The following ADAM8 variants were observed in gnomAD, a reference collection of about 807,000 sequenced individuals.
ADAM8 encodes ADAM metallopeptidase domain 8.
In ADAM8, 104 loss-of-function variants were observed where a neutral mutation model predicts 102.4. The ratio of observed to expected loss-of-function variants is 1.02; its 90% CI spans 0.87 to 1.20. The LOEUF is 1.20. ADAM8 is among the 50% of genes most tolerant of loss of function. The pLI is 0.00. For missense variants in ADAM8, 1,132 were observed against 1,159.0 expected (o/e 0.98, Z 0.34); for synonymous variants, 517 against 485.2 (o/e 1.07, Z -0.86).
At chr10:133,274,891 G>C (rs1325622177) in intron 2 of ADAM8, 1 of 435,954 alleles carries the variant, frequency 2.3e-6, no homozygotes, top group Non-Finnish European at 4.6e-6. Context: ...GACAGCCTTA[G>C]CTGTGCCACC....
chr10:133,270,478 C>A lies in ADAM8; in HGVS notation c.1667G>T (p.Gly556Val), dbSNP rs559140582. 52 of 1,602,658 alleles carry A rather than the reference C, an allele frequency of 3.2e-5. No homozygotes were observed. ...ADMCGVLQCK[G>V]GQQPLGRAIC... ...GGCACGCCCCAGGGGCTGCTGCCCA[C>A]CCTTGCACTGCAGAACGCCACACAT... The change falls in exon 16 of 23, where the codon GGT (glycine) becomes GTT (valine). Residue 556 changes from glycine (G) to valine (V), a missense_variant. Physicochemically the swap from Gly to Val is moderately radical, Grantham distance 109. Coordinates refer to ENST00000445355, the MANE Select transcript of ADAM8 (RefSeq NM_001109.5).
intron 21 of ADAM8, among the ~76,000 whole-genome samples, chr10:133,264,447 T>C (rs1011162882): frequency 6.6e-6 from 1 of 152,210 alleles, no homozygotes; most frequent in African/African-American, 2.4e-5. Context: ...TTCTTTGCAT[T>C]TCAGCTTTCC....
At position 133,273,286 on chromosome 10, in the gene ADAM8, G is replaced by A. The variant is rs769225852; in HGVS notation, c.541C>T (p.Arg181Trp). 32 of 1,598,064 alleles carry A rather than the reference G, an allele frequency of 2.0e-5. No individual in the cohort carries two copies. In the Admixed American group the frequency reaches 2.1e-4, roughly 10 times the overall value. The part of the protein sequence containing the change: ...DDSLGSLLGP[R>W]TAAVFRPRPG... Reference sequence around the variant, plus strand: ...CGAGGCCTGAAGACGGCTGCCGTCCGGGGTCCCAGGAGGCTGCCCAGGCTG... The same window carrying A: ...CGAGGCCTGAAGACGGCTGCCGTCCAGGGTCCCAGGAGGCTGCCCAGGCTG... The change falls in exon 6 of 23, where the codon CGG (arginine) becomes TGG (tryptophan). Residue 181 changes from arginine (R) to tryptophan (W), a missense_variant. Physicochemically the swap from Arg to Trp is moderately radical, Grantham distance 101. Coordinates refer to ENST00000445355, the MANE Select transcript of ADAM8 (RefSeq NM_001109.5).
At position 133,272,443 on chromosome 10, in the gene ADAM8, T is replaced by G. The variant is rs947751176; in HGVS notation, c.848A>C (p.His283Pro). ...TWQARQRTRR[H>P]LHDNVQLITG... ...GATGAGCTGTACGTTGTCATGCAGG[T>G]GCCGCCGTGTCCGTTGCCGTGCCTG... Residue 283 changes from histidine (H) to proline (P), a missense_variant, in exon 9 of 23, where the codon CAC becomes CCC. By Grantham distance (77) the His-to-Pro change is moderately conservative. Transcript: ENST00000445355. 6.2e-7 allele frequency: 1 copy of G among 1,602,414 alleles called. No individual in the cohort carries two copies. The highest frequency in any genetic ancestry group is 1.4e-5 in the African/African-American group (1 of 73,198).
At chr10:133,266,369 A>AT (rs1564919748) in intron 21 of ADAM8, among the ~76,000 whole-genome samples, 1 of 152,122 alleles carries the variant, frequency 6.6e-6, no homozygotes. Context: ...TCTCTAGGCT[A>AT]TTTTTGCAAC....
intron 15 of ADAM8, 108 bp downstream of exon 15, chr10:133,270,628 G>T (rs1417827721): frequency 6.5e-7 from 1 of 1,540,210 alleles, no homozygotes; most frequent in Non-Finnish European, 8.8e-7. Flanking sequence ...GGGTCCATGG[G>T]TCCAGAGCAG....
chr10:133,267,264 G>T, intron 21 of ADAM8, 88 bp downstream of exon 21: 1 of 1,415,288 alleles, frequency 7.1e-7, no homozygotes, highest in Non-Finnish European at 9.8e-7. Context: ...GGGGATCCCT[G>T]GCCCCCGGTG....
chr10:133,273,788 G>A lies in ADAM8; in HGVS notation c.357C>T (p.Ala119=), dbSNP rs1846638882. Residue 119 remains alanine, a synonymous_variant, in exon 5 of 23, where the codon GCC becomes GCT. Transcript: ENST00000445355. ...GHVEGYPDSA[A]SLSTCAGLRG... ...TGAGGCCGGCACAGGTGCTGAGGCT[G>A]GCGGCTGAGTCCGGGTACCCCTCTA... 1.3e-6 allele frequency: 2 copies of A among 1,548,860 alleles called. No individual in the cohort carries two copies. The highest frequency in any genetic ancestry group is 1.4e-5 in the African/African-American group (1 of 73,004).
chr10:133,269,351 A>C (rs2136080457), intron 18 of ADAM8, 94 bp downstream of exon 18: 1 of 1,343,922 alleles, frequency 7.4e-7, no homozygotes, highest in Admixed American at 3.0e-5. Context: ...CGTGAACACC[A>C]CCAGCTTCCC....
At chr10:133,263,922 A>C in intron 21 of ADAM8, 157 bp from the exon 22 acceptor site, 1 of 585,262 alleles carries the variant, frequency 1.7e-6, no homozygotes, top group Non-Finnish European at 2.8e-6. Flanking sequence ...TCGCTACAGA[A>C]AAGCCCTCCT....
chr10:133,262,947 A>C lies in ADAM8; in HGVS notation c.*209T>G. 2.9e-6 allele frequency: 2 copies of C among 681,904 alleles called. No homozygotes were observed. The highest frequency in any genetic ancestry group is 5.3e-6 in the Non-Finnish European group (2 of 376,566). 42.2% of individuals were successfully genotyped at this position (681,904 alleles called of 1,614,324 possible). On this transcript the variant is annotated 3_prime_UTR_variant, in exon 23 of 23. Transcript: ENST00000445355. ...CTGGTGCCTGCAGACAGCTGGGGCTACACGTGGCCAAGGCGGGGAGAAGGA... is the reference window on the plus strand; with the variant it reads ...CTGGTGCCTGCAGACAGCTGGGGCTCCACGTGGCCAAGGCGGGGAGAAGGA...
intron 21 of ADAM8, among the ~76,000 whole-genome samples, chr10:133,265,266 G>A (rs2995303): frequency 0.011 from 26 of 2,332 alleles, 3 homozygotes; most frequent in African/African-American, 0.02. Context: ...CGCCACGCCC[G>A]GCTCCTGCTG....
chr10:133,273,301 TGCCCAGGCTGTCGTCGCTGAC>T lies in ADAM8; in HGVS notation c.505_525del (p.Val169_Gly175del), dbSNP rs1487445274. The T allele has an allele frequency of 1.9e-6, 3 of 1,593,326 alleles. No homozygotes were observed. Among genetic ancestry groups the T allele is most frequent in the Non-Finnish European group, 1.7e-6 (2 of 1,171,480 alleles). The stretch of plus-strand genomic sequence containing the variant: ...GCTGCCGTCCGGGGTCCCAGGAGGC[TGCCCAGGCTGTCGTCGCTGAC>T]CCCGCAGGTCCCGGCCGTCTGCAGC... On this transcript the variant is annotated inframe_deletion, in exon 6 of 23. Coordinates refer to ENST00000445355, the MANE Select transcript of ADAM8 (RefSeq NM_001109.5).
chr10:133,275,488 T>G lies in ADAM8; in HGVS notation c.146A>C (p.His49Pro). Residue 49 changes from histidine to proline, a missense_variant, in exon 2 of 23, where the codon CAC (histidine) becomes CCC (proline). Transcript: ENST00000445355. Reference protein sequence around the residue: ...GPRVRRALPSHLGLHPERVSY... With the variant: ...GPRVRRALPSPLGLHPERVSY... ...CCCAGGCCAGCTTAGACTCACCAAG[T>G]GGGAGGGCAGAGCTCGGCGGACTCG... 1 of 1,533,598 alleles carries G rather than the reference T, an allele frequency of 6.5e-7. No homozygotes were observed. Among genetic ancestry groups the G allele is most frequent in the East Asian group, 2.5e-5 (1 of 39,594 alleles). 95.0% of individuals were successfully genotyped at this position (1,533,598 alleles called of 1,614,324 possible). A position where few individuals can be genotyped will look rare whatever the true frequency, so the allele number is the denominator to read the frequency against.
Position 133,267,412 on chromosome 10 carries a change from C to T in ADAM8, c.2259G>A (p.Pro753=), listed in dbSNP as rs150169740. Residue 753 remains proline, a synonymous_variant, in exon 21 of 23, where the codon CCG becomes CCA. Coordinates refer to ENST00000445355, the MANE Select transcript of ADAM8 (RefSeq NM_001109.5). ...VALKRPPPAP[P]VTVSSPPFPV... ...GGAAGGGTGGGCTGGACACAGTGAC[C>T]GGAGGCTGGAGGAGACAGGGCCGAG... 47 of 1,608,872 alleles carry T rather than the reference C, an allele frequency of 2.9e-5. No individual in the cohort carries two copies. Among genetic ancestry groups the T allele is most frequent in the African/African-American group, 2.4e-4 (18 of 74,910 alleles).
chr10:133,269,132 G>A, intron 18 of ADAM8: 10 of 985,444 alleles, frequency 1.0e-5, no homozygotes, highest in Non-Finnish European at 1.2e-5. Context: ...TGGCCGCCGG[G>A]GAGGAAATGC....
At position 133,270,483 on chromosome 10, in the gene ADAM8, G is replaced by A. The variant is rs935805294; in HGVS notation, c.1662C>T (p.Cys554=). The change falls in exon 16 of 23, where the codon TGC becomes TGT. Residue 554 remains cysteine, a synonymous_variant. Coordinates refer to ENST00000445355, the MANE Select transcript of ADAM8 (RefSeq NM_001109.5). ...GCCCCAGGGGCTGCTGCCCACCCTT[G>A]CACTGCAGAACGCCACACATGTCAG... is the stretch of plus-strand genomic sequence containing the variant. The part of the protein sequence containing the change: ...YRADMCGVLQ[C]KGGQQPLGRA... 11 of 1,602,088 alleles carry A rather than the reference G, an allele frequency of 6.9e-6. No homozygotes were observed. Among genetic ancestry groups the A allele is most frequent in the Non-Finnish European group, 9.4e-6 (11 of 1,171,424 alleles).
chr10:133,273,790 C>T lies in ADAM8; in HGVS notation c.355G>A (p.Ala119Thr), dbSNP rs1027697833. The T allele has an allele frequency of 7.7e-6, 12 of 1,548,756 alleles. No individual in the cohort carries two copies. The highest frequency in any genetic ancestry group is 1.9e-4 in the Middle Eastern group (1 of 5,348). The change falls in exon 5 of 23, where the codon GCC (alanine) becomes ACC (threonine). Residue 119 changes from alanine (A) to threonine (T), a missense_variant. Physicochemically the swap from Ala to Thr is moderately conservative, Grantham distance 58 (BLOSUM62 0). Coordinates refer to ENST00000445355, the MANE Select transcript of ADAM8 (RefSeq NM_001109.5). ...AGGCCGGCACAGGTGCTGAGGCTGG[C>T]GGCTGAGTCCGGGTACCCCTCTACG... ...GHVEGYPDSA[A>T]SLSTCAGLRG...
At position 133,269,936 on chromosome 10, in the gene ADAM8, G is replaced by A. The variant is rs1846463848; in HGVS notation, c.1824C>T (p.Tyr608=). The part of the protein sequence containing the change: ...WKGRCQDLHV[Y]RSSNCSAQCH... The stretch of plus-strand genomic sequence containing the variant: ...ACTGGGCAGAGCAGTTGCTGGATCT[G>A]TAAACGTGTAAGTCCTGGCAACGTC... Residue 608 remains tyrosine (Y), a synonymous_variant, in exon 17 of 23, where the codon TAC becomes TAT. Coordinates refer to ENST00000445355, the MANE Select transcript of ADAM8 (RefSeq NM_001109.5). 1 of 1,612,768 alleles carries A rather than the reference G, an allele frequency of 6.2e-7. No individual in the cohort carries two copies. The highest frequency in any genetic ancestry group is 2.2e-5 in the East Asian group (1 of 44,888).
Sources: gnomAD v4.1 joint callset for allele counts (sites outside exome capture counted in the v4.1 genomes callset) on GRCh38, gnomAD v4.1.1 for gene constraint, MANE v1.5 for transcripts, NCBI Gene and HGNC (gene_info 2026-07-23, HGNC 2026-07-21) for gene names.